The following QTGAL variants were observed in gnomAD, a reference collection of about 807,000 sequenced individuals.
The protein encoded by QTGAL is queuosine-tRNA galactosyltransferase.
At chr17:82,969,733 G>A in the QTGAL span, among the ~76,000 whole-genome samples, 1 of 152,120 alleles carries the variant, frequency 6.6e-6, no homozygotes, top group African/African-American at 2.4e-5. Context: ...AGGCTGGAAT[G>A]CAGTGGCGTG....
the QTGAL span, chr17:82,957,354 C>T: frequency 6.2e-7 from 1 of 1,613,276 alleles, no homozygotes; most frequent in Non-Finnish European, 8.5e-7. Context: ...TGGCAGGATG[C>T]TCACCTTGCG....
chr17:82,946,372 C>T, the QTGAL span, among the ~76,000 whole-genome samples: 2 of 152,168 alleles, frequency 1.3e-5, no homozygotes, highest in Non-Finnish European at 1.5e-5. Flanking sequence ...ATTAAAGGCT[C>T]AGTTCAACAG....
the QTGAL span, chr17:82,965,593 C>A: frequency 6.7e-7 from 1 of 1,484,508 alleles, no homozygotes; most frequent in Non-Finnish European, 9.2e-7. Context: ...AGAGCCCACA[C>A]ACAGAGACAG....
the QTGAL span, chr17:83,006,491 G>C: frequency 3.9e-5 from 38 of 985,220 alleles, 1 homozygote; most frequent in East Asian, 3.3e-3. This position sits in a 1 kb window ranked among gnomAD's most constrained non-coding sequence, Gnocchi z 5.8. Context: ...ACATCACGAG[G>C]ACCCAAGGTC....
chr17:82,946,569 A>AGTTGTGTGTGTGTGTGTGTGTGTGTGT, the QTGAL span, among the ~76,000 whole-genome samples: 6 of 150,192 alleles, frequency 4.0e-5, no homozygotes, highest in Non-Finnish European at 7.4e-5. Flanking sequence ...ACAGAACCCA[A>AGTTGTGTGTGTGTGTGTGTGTGTGTGT]GTGTGTGTGT....
the QTGAL span, chr17:82,947,017 C>G: frequency 1.9e-6 from 3 of 1,545,034 alleles, no homozygotes; most frequent in Non-Finnish European, 2.6e-6. Context: ...TCAGTCCGGT[C>G]TCCTGGCTCT....
At chr17:82,954,810 G>C in the QTGAL span, among the ~76,000 whole-genome samples, 2 of 152,064 alleles carry the variant, frequency 1.3e-5, no homozygotes, top group African/African-American at 4.8e-5. Context: ...CAGAACAGAG[G>C]CCTCAGAAAT....
the QTGAL span, among the ~76,000 whole-genome samples, chr17:83,025,919 G>A: frequency 3.9e-5 from 6 of 152,232 alleles, no homozygotes; most frequent in Admixed American, 2.6e-4. Context: ...ACACGTACTC[G>A]GGGTGACATG....
the QTGAL span, among the ~76,000 whole-genome samples, chr17:83,043,718 T>G: frequency 6.6e-6 from 1 of 150,868 alleles, no homozygotes; most frequent in African/African-American, 2.4e-5. Context: ...ACAAAAAGAG[T>G]TGATTCTTTG....
chr17:82,973,049 G>C, the QTGAL span, among the ~76,000 whole-genome samples: 1 of 152,258 alleles, frequency 6.6e-6, no homozygotes, highest in Admixed American at 6.5e-5. Context: ...ATGCCTTCGT[G>C]TGCTCCCGCG....
chr17:83,031,718 G>A, the QTGAL span, among the ~76,000 whole-genome samples: 1 of 152,246 alleles, frequency 6.6e-6, no homozygotes, highest in Non-Finnish European at 1.5e-5. Flanking sequence ...GGTGTGGGGT[G>A]GGTCCCAGGG....
the QTGAL span, chr17:82,965,855 T>C: frequency 5.1e-6 from 6 of 1,166,682 alleles, no homozygotes; most frequent in South Asian, 5.5e-5. Flanking sequence ...TGAATCCGTG[T>C]CCCTTCTCCA....
the QTGAL span, among the ~76,000 whole-genome samples, chr17:83,021,685 C>T: frequency 6.6e-5 from 10 of 151,968 alleles, no homozygotes; most frequent in Non-Finnish European, 1.3e-4. Flanking sequence ...AAAGAAAAAA[C>T]GAAAAAAACC....
the QTGAL span, among the ~76,000 whole-genome samples, chr17:83,028,985 G>A: frequency 0.24 from 35,792 of 152,064 alleles, 4,243 homozygotes; most frequent in Middle Eastern, 0.27. Flanking sequence ...ACGAGGGCAC[G>A]GCGTGCGGTT....
the QTGAL span, among the ~76,000 whole-genome samples, chr17:82,958,104 C>T: frequency 6.2e-3 from 949 of 152,236 alleles, 7 homozygotes; most frequent in Non-Finnish European, 0.011. Flanking sequence ...CCCCTCCCCA[C>T]GTGCCCCATC....
the QTGAL span, among the ~76,000 whole-genome samples, chr17:83,037,285 G>A: frequency 3.9e-5 from 6 of 152,304 alleles, no homozygotes; most frequent in African/African-American, 1.4e-4. The surrounding 1 kb of genome is among the most constrained non-coding windows in gnomAD (Gnocchi z 5.2). Flanking sequence ...GGGGGGCATC[G>A]AGCAAGCTCA....
the QTGAL span, among the ~76,000 whole-genome samples, chr17:83,036,443 G>A: frequency 6.6e-6 from 1 of 152,252 alleles, no homozygotes; most frequent in Non-Finnish European, 1.5e-5. Flanking sequence ...TACATGGTGT[G>A]TGCAGCTTAT....
At chr17:82,961,327 A>G in the QTGAL span, 5 of 983,344 alleles carry the variant, frequency 5.1e-6, no homozygotes, top group Non-Finnish European at 6.7e-6. Context: ...GAGGCTCAAC[A>G]GGGACGTGGG....
chr17:83,032,372 C>T, the QTGAL span, among the ~76,000 whole-genome samples: 26 of 118,210 alleles, frequency 2.2e-4, no homozygotes, highest in African/African-American at 7.8e-4. Context: ...GCCAGGCCTC[C>T]GACCCAGACC....
Sources: allele counts gnomAD v4.1 joint callset (sites outside exome capture counted in the v4.1 genomes callset), GRCh38; gene constraint gnomAD v4.1.1; non-coding constraint Gnocchi (gnomAD v3.1); transcripts MANE v1.5; gene names NCBI Gene and HGNC (gene_info 2026-07-23, HGNC 2026-07-21).